The following SETBP1 variants were observed in gnomAD, a reference collection of about 807,000 sequenced individuals.
The protein encoded by SETBP1 is SET-binding protein.
SETBP1 carries 9 observed loss-of-function variants against 101.0 expected under a neutral mutation model. That is an observed-to-expected ratio of 0.09 (90% CI 0.05 to 0.16). The LOEUF (loss-of-function observed/expected upper bound fraction) is 0.16, where lower values mean the gene tolerates loss of function less well. Ranked by LOEUF, SETBP1 falls within the 10% of genes least tolerant of loss-of-function variation. The probability of loss-of-function intolerance (pLI) is 1.00; values close to 1 mark genes in which losing one functional copy is unlikely to be tolerated. For synonymous variants in SETBP1, 818 were observed against 788.5 expected (o/e 1.04, Z -0.63); for missense variants, 1,858 against 2,033.8 (o/e 0.91, Z 1.66).
intron 2 of SETBP1, among the ~76,000 whole-genome samples, chr18:44,828,975 G>C (rs1185481250): frequency 6.6e-6 from 1 of 152,210 alleles, no homozygotes; most frequent in Non-Finnish European, 1.5e-5. Flanking sequence ...ATAAATTTCT[G>C]TTGTTTTAGC....
At chr18:45,012,955 C>T (rs916862741) in intron 4 of SETBP1, among the ~76,000 whole-genome samples, 3 of 152,216 alleles carry the variant, frequency 2.0e-5, no homozygotes, top group Non-Finnish European at 2.9e-5. Flanking sequence ...TAAAGCTATA[C>T]TTTGTAACTC....
At chr18:44,888,710 T>A (rs1350217929) in intron 3 of SETBP1, among the ~76,000 whole-genome samples, 1 of 152,094 alleles carries the variant, frequency 6.6e-6, no homozygotes, top group Non-Finnish European at 1.5e-5. Context: ...TTGATGCTAC[T>A]GACAGCTTAC....
At chr18:44,998,746 G>A (rs938280942) in intron 4 of SETBP1, among the ~76,000 whole-genome samples, 20 of 152,168 alleles carry the variant, frequency 1.3e-4, no homozygotes, top group Admixed American at 1.0e-3. Flanking sequence ...TAAATCCACA[G>A]GGATGTTGGT....
chr18:44,903,034 G>A (rs887144050), intron 3 of SETBP1, among the ~76,000 whole-genome samples: 2 of 151,738 alleles, frequency 1.3e-5, no homozygotes, highest in Non-Finnish European at 2.9e-5. Flanking sequence ...AAATTTGTTG[G>A]CCCATTTGAA....
intron 2 of SETBP1, among the ~76,000 whole-genome samples, chr18:44,702,634 T>G (rs1293890408): frequency 6.6e-6 from 1 of 152,198 alleles, no homozygotes; most frequent in African/African-American, 2.4e-5. Context: ...AAATTTGAGT[T>G]AATCAGAACA....
At chr18:45,037,506 T>A (rs1212720048) in intron 4 of SETBP1, among the ~76,000 whole-genome samples, 1 of 152,130 alleles carries the variant, frequency 6.6e-6, no homozygotes, top group East Asian at 1.9e-4. Flanking sequence ...TGTCGGATGC[T>A]CACAACAGCC....
At chr18:44,989,488 T>C (rs941181428) in intron 4 of SETBP1, among the ~76,000 whole-genome samples, 1 of 151,938 alleles carries the variant, frequency 6.6e-6, no homozygotes, top group Non-Finnish European at 1.5e-5. Context: ...TTATTGACGC[T>C]CCAGAAAAGA....
In SETBP1 at chr18:44,951,439, C is replaced by G. The variant is rs1226743590; in HGVS notation, c.2099C>G (p.Pro700Arg). ...LKAKAPPETS[P>R]GAAAIESKLG... ...GCAAAAGCTCCCCCAGAGACCAGCC[C>G]TGGGGCAGCAGCCATTGAAAGCAAA... is the stretch of plus-strand genomic sequence containing the variant. The change falls in exon 4 of 6, where the codon CCT becomes CGT. Residue 700 changes from proline to arginine, a missense_variant. Physicochemically the swap from Pro to Arg is moderately radical, Grantham distance 103. This residue lies in a region of SETBP1 where 111 missense variants were observed against 119.3 expected (regional missense o/e 0.93). Transcript: ENST00000649279. The surrounding 1 kb of genome is among the most constrained non-coding windows in gnomAD (Gnocchi z 7.8). The G allele has an allele frequency of 6.2e-7, 1 of 1,614,126 alleles. No individual in the cohort carries two copies.
intron 4 of SETBP1, among the ~76,000 whole-genome samples, chr18:44,984,737 G>A (rs2072191828): frequency 2.6e-5 from 4 of 152,164 alleles, no homozygotes; most frequent in Non-Finnish European, 4.4e-5. Context: ...TGAGTTGGTT[G>A]GTTATCATGT....
intron 2 of SETBP1, among the ~76,000 whole-genome samples, chr18:44,755,761 A>G (rs1048988470): frequency 6.6e-6 from 1 of 152,066 alleles, no homozygotes. Flanking sequence ...ATGTGAGCCA[A>G]TTCCCCCTTA....
intron 5 of SETBP1, among the ~76,000 whole-genome samples, chr18:45,059,865 A>T (rs1180332197): frequency 6.6e-6 from 1 of 152,044 alleles, no homozygotes; most frequent in Non-Finnish European, 1.5e-5. Flanking sequence ...CCTTGGGGGG[A>T]AGTAGATGTT....
intron 4 of SETBP1, among the ~76,000 whole-genome samples, chr18:45,010,995 A>G (rs1156977459): frequency 6.6e-6 from 1 of 152,246 alleles, no homozygotes; most frequent in African/African-American, 2.4e-5. Flanking sequence ...GTAAGAAGAC[A>G]TAATTCATGT....
At chr18:44,787,206 A>G (rs2071257228) in intron 2 of SETBP1, among the ~76,000 whole-genome samples, 1 of 152,228 alleles carries the variant, frequency 6.6e-6, no homozygotes, top group Non-Finnish European at 1.5e-5. Flanking sequence ...GTGTGTAGGC[A>G]GGCTTCTTTC....
chr18:44,757,337 TG>T (rs753821722), intron 2 of SETBP1, among the ~76,000 whole-genome samples: 8 of 152,248 alleles, frequency 5.3e-5, no homozygotes, highest in Non-Finnish European at 7.3e-5. Context: ...ACTATCTGTG[TG>T]GTCCATATAC....
At chr18:44,722,883 A>G (rs1035692804) in intron 2 of SETBP1, among the ~76,000 whole-genome samples, 4 of 152,262 alleles carry the variant, frequency 2.6e-5, no homozygotes, top group African/African-American at 9.6e-5. Context: ...GTTTCTTTTC[A>G]TCATCACAAT....
rs151108179 is a variant in SETBP1, at chr18:44,701,568, C to T, written c.222C>T (p.Asn74=). The T allele has an allele frequency of 4.6e-5, 74 of 1,614,024 alleles. No homozygotes were observed. The highest frequency in any genetic ancestry group is 5.3e-5 in the Non-Finnish European group (62 of 1,180,038). The part of the protein sequence containing the change: ...GSGRDVDSNS[N]ADSEKWVAGD... Reference sequence around the variant, plus strand: ...GGCGGGATGTGGATTCCAACTCCAACGCGGACAGTGAGAAATGGGTGGCAG... The same window carrying T: ...GGCGGGATGTGGATTCCAACTCCAATGCGGACAGTGAGAAATGGGTGGCAG... The change falls in exon 2 of 6, where the codon AAC becomes AAT. Residue 74 remains asparagine (N), a synonymous_variant. Transcript: ENST00000649279.
At chr18:44,903,971 G>A (rs1788527609) in intron 3 of SETBP1, among the ~76,000 whole-genome samples, 2 of 152,118 alleles carry the variant, frequency 1.3e-5, no homozygotes, top group South Asian at 4.2e-4. Flanking sequence ...TTAAATTAAA[G>A]GTCTTTTAGG....
rs73487164 is a variant in SETBP1 at position 44,780,612 on chromosome 18, C to G, written c.486+78780C>G. On this transcript the variant is annotated intron_variant, in intron 2 of 5. Coordinates refer to ENST00000649279, the MANE Select transcript of SETBP1 (RefSeq NM_015559.3). Reference sequence around the variant, plus strand: ...GACACACCTTCATATATTCGTTTATCCAGTCAATCAACAAATGTTTTTGGA... The same window carrying G: ...GACACACCTTCATATATTCGTTTATGCAGTCAATCAACAAATGTTTTTGGA... Among the ~76,000 whole-genome samples the G allele has an allele frequency of 5.9e-3, 903 of 152,298 alleles. 10 individuals carry two copies. Among genetic ancestry groups the G allele is most frequent in the African/African-American group, 0.021 (854 of 41,550 alleles).
chr18:44,934,091 C>A (rs930790313), intron 3 of SETBP1, among the ~76,000 whole-genome samples: 2 of 151,990 alleles, frequency 1.3e-5, no homozygotes, highest in Non-Finnish European at 2.9e-5. Context: ...TTTTACCAAC[C>A]TTGTCTTGTT....
Sources: allele counts gnomAD v4.1 joint callset (sites outside exome capture counted in the v4.1 genomes callset), GRCh38; gene constraint gnomAD v4.1.1; regional missense constraint gnomAD v4.1.1; non-coding constraint Gnocchi (gnomAD v3.1); transcripts MANE v1.5; gene names NCBI Gene and HGNC (gene_info 2026-07-23, HGNC 2026-07-21).